FOXP2: variants seen among roughly 807,000 people sequenced by gnomAD.
FOXP2 encodes the protein forkhead box P2, also known as forkhead box protein P2.
A neutral mutation model predicts 115.8 loss-of-function variants in FOXP2; 12 were observed. That is an observed-to-expected ratio of 0.10 (90% CI 0.07 to 0.17). The LOEUF (loss-of-function observed/expected upper bound fraction) is 0.17, where lower values mean the gene tolerates loss of function less well. Ranked by LOEUF, FOXP2 falls within the 10% of genes least tolerant of loss-of-function variation. The pLI is 1.00. For synonymous variants in FOXP2, 328 were observed against 297.7 expected, an observed-to-expected ratio of 1.10 and a Z score of -1.05; for missense variants, 629 against 843.5, an observed-to-expected ratio of 0.75 and a Z score of 3.15.
At position 114,095,490 on chromosome 7, in the gene FOXP2, T is replaced by C. The variant is rs527714996; in HGVS notation, c.-247+7652T>C. Among the ~76,000 whole-genome samples, 39 of 152,118 alleles carry C rather than the reference T, an allele frequency of 2.6e-4. No homozygotes were observed. The Middle Eastern group carries it at 0.014, about 53-fold the overall frequency. On this transcript the variant is annotated intron_variant, in intron 1 of 19. Coordinates refer to the FOXP2 transcript ENST00000635638. ...TTCAGCTGTCTTATCCTAATAGGTA[T>C]CTTAAGATCATTCCCCTCCTTCCCA...
rs531806716 is a variant in FOXP2, at chr7:114,367,339, T to C, written c.-10-59163T>C. 5.3e-5 allele frequency among the ~76,000 whole-genome samples: 8 copies of C among 152,246 alleles called. No homozygotes were observed. In the South Asian group the frequency reaches 1.2e-3, roughly 24 times the overall value. ...CTGTCACTATCAAGGAAAACACTTCTGCTGACTAAATGTGGTCTTTGAAAA... is the reference window on the plus strand; with the variant it reads ...CTGTCACTATCAAGGAAAACACTTCCGCTGACTAAATGTGGTCTTTGAAAA... On this transcript the variant is annotated intron_variant, in intron 2 of 17. Transcript: ENST00000634411.
chr7:114,688,736 C>G (rs561277711), intron 16 of FOXP2, among the ~76,000 whole-genome samples: 15 of 152,104 alleles, frequency 9.9e-5, no homozygotes, highest in Non-Finnish European at 1.9e-4. Context: ...AACTTGTGTT[C>G]CTCACCAGTG....
At chr7:114,569,940 G>A (rs1371377050) in intron 3 of FOXP2, among the ~76,000 whole-genome samples, 1 of 151,718 alleles carries the variant, frequency 6.6e-6, no homozygotes, top group African/African-American at 2.4e-5. Flanking sequence ...CTTCTTTTCT[G>A]GTATAGTTAT....
At chr7:114,347,156 A>G (rs927416360) in intron 2 of FOXP2, among the ~76,000 whole-genome samples, 3 of 151,950 alleles carry the variant, frequency 2.0e-5, no homozygotes, top group Non-Finnish European at 4.4e-5. Flanking sequence ...ATTGTTTATG[A>G]AAAACATAAT....
chr7:114,115,518 C>T (rs1001376152), intron 1 of FOXP2, among the ~76,000 whole-genome samples: 5 of 152,110 alleles, frequency 3.3e-5, no homozygotes, highest in African/African-American at 1.2e-4. Context: ...CTGTTCATTT[C>T]CTTCAACTGT....
At chr7:114,686,530 T>A (rs1172327131) in intron 16 of FOXP2, among the ~76,000 whole-genome samples, 2 of 152,186 alleles carry the variant, frequency 1.3e-5, no homozygotes, top group Non-Finnish European at 2.9e-5. Flanking sequence ...TACGGAAATA[T>A]CAAAGTAAAT....
chr7:114,504,853 A>G (rs891200767), intron 2 of FOXP2, among the ~76,000 whole-genome samples: 18 of 151,664 alleles, frequency 1.2e-4, no homozygotes, highest in Non-Finnish European at 1.5e-5. Flanking sequence ...ATGACTCAGT[A>G]AAAAGCATTG....
intron 1 of FOXP2, among the ~76,000 whole-genome samples, chr7:114,236,086 T>A (rs1252129886): frequency 6.6e-6 from 1 of 152,210 alleles, no homozygotes; most frequent in Non-Finnish European, 1.5e-5. Context: ...TAGAAACTGC[T>A]GAATAAATAT....
chr7:114,539,181 G>C (rs1412080612), intron 3 of FOXP2, among the ~76,000 whole-genome samples: 1 of 151,602 alleles, frequency 6.6e-6, no homozygotes, highest in Non-Finnish European at 1.5e-5. Flanking sequence ...AAAAAATCAA[G>C]AATAAGTTAT....
intron 16 of FOXP2, among the ~76,000 whole-genome samples, chr7:114,675,903 A>T (rs1489460477): frequency 1.3e-5 from 2 of 149,916 alleles, no homozygotes; most frequent in Non-Finnish European, 3.0e-5. Context: ...ATTTTATTTT[A>T]TTATTATTAT....
chr7:114,669,159 T>C (rs1213820853), intron 16 of FOXP2: 2 of 152,054 alleles, frequency 1.3e-5, no homozygotes, highest in Non-Finnish European at 2.9e-5. Flanking sequence ...ACCTCATTCA[T>C]GATTATCATC....
At chr7:114,519,713 G>C (rs1277397258) in intron 2 of FOXP2, among the ~76,000 whole-genome samples, 4 of 152,080 alleles carry the variant, frequency 2.6e-5, no homozygotes, top group Non-Finnish European at 4.4e-5. Flanking sequence ...AAGCCTTTGA[G>C]GGGGGCAGCA....
chr7:114,105,203 TC>T (rs1274455480), intron 1 of FOXP2, among the ~76,000 whole-genome samples: 2 of 152,074 alleles, frequency 1.3e-5, no homozygotes, highest in Admixed American at 1.3e-4. Context: ...TGTAATTTTT[TC>T]TGTGACATTT....
At chr7:114,551,516 T>A (rs929954485) in intron 3 of FOXP2, among the ~76,000 whole-genome samples, 5 of 152,214 alleles carry the variant, frequency 3.3e-5, no homozygotes, top group African/African-American at 1.2e-4. Flanking sequence ...TAAGCTAGTC[T>A]TCATTTTTCT....
At chr7:114,271,936 T>C (rs1796065992) in intron 1 of FOXP2, among the ~76,000 whole-genome samples, 1 of 131,326 alleles carries the variant, frequency 7.6e-6, no homozygotes, top group Non-Finnish European at 1.6e-5. Flanking sequence ...ATTATAATAT[T>C]AATATATTGT....
intron 2 of FOXP2, among the ~76,000 whole-genome samples, chr7:114,492,501 G>A (rs1797112392): frequency 6.6e-6 from 1 of 152,044 alleles, no homozygotes; most frequent in South Asian, 2.1e-4. Context: ...TAATTGTGAT[G>A]TTAGGGTGTC....
At chr7:114,645,830 T>A (rs1805851883) in intron 8 of FOXP2, 1 of 152,046 alleles carries the variant, frequency 6.6e-6, no homozygotes, top group African/African-American at 2.4e-5. Context: ...TATAAATGAA[T>A]TACAGTAAGA....
chr7:114,674,922 CA>C (rs921043049), intron 16 of FOXP2, among the ~76,000 whole-genome samples: 1 of 152,006 alleles, frequency 6.6e-6, no homozygotes, highest in Non-Finnish European at 1.5e-5. Flanking sequence ...ATCCTTAGAT[CA>C]GCTATCATTT....
intron 1 of FOXP2, among the ~76,000 whole-genome samples, chr7:114,136,966 G>A (rs10464645): frequency 0.14 from 20,715 of 151,800 alleles, 1,859 homozygotes; most frequent in East Asian, 0.39. Context: ...AAAGTGCTGA[G>A]GAATGTAGAC....
Sources: allele counts gnomAD v4.1 joint callset (sites outside exome capture counted in the v4.1 genomes callset), GRCh38; gene constraint gnomAD v4.1.1; transcripts MANE v1.5; gene names NCBI Gene and HGNC (gene_info 2026-07-23, HGNC 2026-07-21).